The following PPL variants were observed in gnomAD, a reference collection of about 807,000 sequenced individuals.
PPL encodes the protein 190 kDa paraneoplastic pemphigus antigen.
In PPL, 198 loss-of-function variants were observed where a neutral mutation model predicts 194.4. The ratio of observed to expected loss-of-function variants is 1.02; its 90% confidence interval spans 0.91 to 1.15. The LOEUF (loss-of-function observed/expected upper bound fraction) is 1.15. PPL is among the 50% of genes most tolerant of loss of function. The pLI, the probability that PPL is intolerant of heterozygous loss-of-function variation, is 0.00. For missense variants in PPL, 2,885 were observed against 2,294.8 expected (o/e 1.26, Z -5.25); for synonymous variants, 1,220 against 972.4 (o/e 1.25, Z -4.74).
chr16:4,899,802 G>T (rs2088520057), intron 6 of PPL, among the ~76,000 whole-genome samples: 1 of 152,202 alleles, frequency 6.6e-6, no homozygotes, highest in African/African-American at 2.4e-5. Context: ...ACAAATATCA[G>T]TAACTATAGC....
chr16:4,933,779 G>A (rs1203387855), intron 1 of PPL, among the ~76,000 whole-genome samples: 3 of 152,146 alleles, frequency 2.0e-5, no homozygotes, highest in South Asian at 2.1e-4. Flanking sequence ...TCTCCTCCAC[G>A]ACCACGTGCT....
At chr16:4,923,087 T>A (rs927602841) in intron 1 of PPL, among the ~76,000 whole-genome samples, 3 of 152,150 alleles carry the variant, frequency 2.0e-5, no homozygotes, top group Non-Finnish European at 4.4e-5. Flanking sequence ...GTGTTCCCAC[T>A]GCTCTGAGAA....
At chr16:4,903,715 C>T (rs889415957) in intron 3 of PPL, among the ~76,000 whole-genome samples, 171 bp downstream of exon 3, 4 of 149,556 alleles carry the variant, frequency 2.7e-5, no homozygotes, top group African/African-American at 9.9e-5. Flanking sequence ...AGCAAAACTA[C>T]GTCTCAAAAA....
chr16:4,887,174 C>A lies in PPL; in HGVS notation c.2568G>T (p.Arg856Ser). The A allele has an allele frequency of 6.2e-7, 1 of 1,614,164 alleles. No individual in the cohort carries two copies. Among genetic ancestry groups the A allele is most frequent in the Non-Finnish European group, 8.5e-7 (1 of 1,179,990 alleles). ...TCAGAGCAAACTCCAGATTCTGCAG[C>A]CTCTGTCTGTTGATGGCATAAACTT... ...FTEVYAINRQ[R>S]LQNLEFALNL... Residue 856 changes from arginine (R) to serine (S), a missense_variant, in exon 21 of 22, where the codon AGG becomes AGT. Coordinates refer to ENST00000345988, the MANE Select transcript of PPL (RefSeq NM_002705.5).
intron 9 of PPL, among the ~76,000 whole-genome samples, chr16:4,896,850 G>C (rs939248900): frequency 6.6e-6 from 1 of 151,748 alleles, no homozygotes; most frequent in Non-Finnish European, 1.5e-5. Flanking sequence ...GGCCAGGCTG[G>C]TCTTGAACTC....
In PPL at chr16:4,893,304, C is replaced by A. The variant is rs8063727; in HGVS notation, c.1559G>T (p.Arg520Leu). Reference protein sequence around the residue: ...GLDKVASDLDRQEKAITGILR... With the variant: ...GLDKVASDLDLQEKAITGILR... ...GATCCCTGTGATGGCCTTCTCCTGC[C>A]GGTCCAGGTCGCTGGCCACCTTGTC... is the stretch of plus-strand genomic sequence containing the variant. The change falls in exon 14 of 22, where the codon CGG becomes CTG. Residue 520 changes from arginine (R) to leucine (L), a missense_variant. Transcript: ENST00000345988. 1 of 1,607,108 alleles carries A rather than the reference C, an allele frequency of 6.2e-7. No homozygotes were observed. Among genetic ancestry groups the A allele is most frequent in the Non-Finnish European group, 8.5e-7 (1 of 1,179,142 alleles).
chr16:4,891,974 G>A, intron 15 of PPL, 25 bp from the exon 16 acceptor site: 1 of 1,611,142 alleles, frequency 6.2e-7, no homozygotes, highest in Non-Finnish European at 8.5e-7. Flanking sequence ...CAGGCGTCGG[G>A]GGATGCCCAC....
At chr16:4,895,132 G>T (rs1380190782) in intron 11 of PPL, 129 bp downstream of exon 11, 2 of 1,210,254 alleles carry the variant, frequency 1.7e-6, no homozygotes, top group East Asian at 2.7e-5. Flanking sequence ...CCAGGGGAAG[G>T]GTTGGCAGAG....
In PPL at chr16:4,883,098, T is replaced by G. The variant is rs896510180; in HGVS notation, c.*286A>C. Reference sequence around the variant, plus strand: ...ATTGTGTGCAGTTATCATGAGGAGTTTGTTGCTGGGAGTGTACAGGAAAAG... The same window carrying G: ...ATTGTGTGCAGTTATCATGAGGAGTGTGTTGCTGGGAGTGTACAGGAAAAG... On this transcript the variant is annotated 3_prime_UTR_variant, in exon 22 of 22. Transcript: ENST00000345988. This position sits in a 1 kb window ranked among gnomAD's most constrained non-coding sequence, Gnocchi z 4.8. The G allele has an allele frequency of 7.8e-5, 32 of 407,944 alleles. No individual in the cohort carries two copies. Among genetic ancestry groups the G allele is most frequent in the African/African-American group, 6.1e-4 (30 of 49,074 alleles). 25.3% of individuals were successfully genotyped at this position (407,944 alleles called of 1,614,324 possible).
rs1388765020 is a variant in PPL at position 4,913,689 on chromosome 16, C to T, written c.63-2740G>A. 7.9e-5 allele frequency among the ~76,000 whole-genome samples: 12 copies of T among 152,304 alleles called. No individual in the cohort carries two copies. The South Asian group carries it at 2.5e-3, about 32-fold the overall frequency. ...AGTAGCTGGGATTACAGGTGTGAGC[C>T]ACCATGCCCAGCCTCCTTCTGTTGT... On this transcript the variant is annotated intron_variant, in intron 1 of 21. Coordinates refer to ENST00000345988, the MANE Select transcript of PPL (RefSeq NM_002705.5).
At position 4,904,031 on chromosome 16, in the gene PPL, G is replaced by A. The variant is rs199652749; in HGVS notation, c.172C>T (p.Arg58Trp). Residue 58 changes from arginine (R) to tryptophan (W), a missense_variant, in exon 3 of 22, where the codon CGG (arginine) becomes TGG (tryptophan). Transcript: ENST00000345988. ...TCAGGCTGCCGACCCTCCTGCAGCC[G>A]AGCCAGGTCCTGTGAGGGTCACAAG... ...TEAKMQSDLA[R>W]LQEGRQPEHR... 107 of 1,611,648 alleles carry A rather than the reference G, an allele frequency of 6.6e-5. No homozygotes were observed. Among genetic ancestry groups the A allele is most frequent in the South Asian group, 3.7e-4 (34 of 90,968 alleles).
chr16:4,885,542 A>C lies in PPL; in HGVS notation c.3113T>G (p.Val1038Gly). Residue 1038 changes from valine to glycine, a missense_variant, in exon 22 of 22, where the codon GTG becomes GGG. Val to Gly is a moderately radical substitution (Grantham distance 109). Transcript: ENST00000345988. The surrounding 1 kb of genome is among the most constrained non-coding windows in gnomAD (Gnocchi z 6.3). ...GCTCTTCTCTTCAGCCAGGGCGGCC[A>C]CACGCTGCTGCAGGAGGAGCACCTC... is the stretch of plus-strand genomic sequence containing the variant. The part of the protein sequence containing the change: ...EAEVLLLQQR[V>G]AALAEEKSRA... 6.2e-7 allele frequency: 1 copy of C among 1,610,552 alleles called. No individual in the cohort carries two copies. The highest frequency in any genetic ancestry group is 8.5e-7 in the Non-Finnish European group (1 of 1,179,872).
Position 4,883,202 on chromosome 16 carries a change from GTTGCCTGTCTTCAGCCA to G in PPL, c.*165_*181del. On this transcript the variant is annotated 3_prime_UTR_variant, in exon 22 of 22. Transcript: ENST00000345988. This position sits in a 1 kb window ranked among gnomAD's most constrained non-coding sequence, Gnocchi z 4.8. ...AGGGTGAATGATGGTTGGGACGAGAGTTGCCTGTCTTCAGCCAGTGCCTGTCTCATATGTGGGCGGGA... is the reference window on the plus strand; with the variant it reads ...AGGGTGAATGATGGTTGGGACGAGAGGTGCCTGTCTCATATGTGGGCGGGA... 1.4e-6 allele frequency: 1 copy of G among 731,566 alleles called. No individual in the cohort carries two copies. Among genetic ancestry groups the G allele is most frequent in the South Asian group, 1.9e-5 (1 of 53,974 alleles). The allele number at this position is 731,566 out of a possible 1,614,324, so 45.3% of individuals were successfully genotyped here.
Position 4,893,168 on chromosome 16 carries a change from T to A in PPL, c.1650+45A>T, listed in dbSNP as rs146374313. ...TCAAATAGGGGCCCCAGGGGGCCAG[T>A]GCAGGGCTCCCCCGGCCCCACCTGT... is the stretch of plus-strand genomic sequence containing the variant. On this transcript the variant is annotated intron_variant, in intron 14 of 21. Coordinates refer to ENST00000345988, the MANE Select transcript of PPL (RefSeq NM_002705.5). 1.9e-5 allele frequency: 28 copies of A among 1,483,074 alleles called. 1 individual carries two copies. In the Admixed American group the frequency reaches 1.9e-4, roughly 10 times the overall value. The allele number at this position is 1,483,074 out of a possible 1,614,324, so 91.9% of individuals were successfully genotyped here.
chr16:4,922,959 C>T (rs774901888), intron 1 of PPL, among the ~76,000 whole-genome samples: 3 of 152,162 alleles, frequency 2.0e-5, no homozygotes, highest in Non-Finnish European at 2.9e-5. Context: ...GGAGATCCTG[C>T]GTCCCAGATG....
intron 11 of PPL, among the ~76,000 whole-genome samples, chr16:4,894,898 G>A (rs536603237): frequency 5.3e-5 from 8 of 152,296 alleles, no homozygotes; most frequent in Non-Finnish European, 1.2e-4. Context: ...ATGTGACTTG[G>A]ACCTGGCCAA....
At chr16:4,889,105 T>A (rs750710198) in intron 18 of PPL, 44 bp from the exon 19 acceptor site, 90 of 1,536,164 alleles carry the variant, frequency 5.9e-5, no homozygotes, top group East Asian at 1.1e-4. Flanking sequence ...AGAAAAAAAA[T>A]TTAAAAAAGC....
intron 1 of PPL, among the ~76,000 whole-genome samples, chr16:4,914,408 C>T (rs1037964433): frequency 3.3e-5 from 5 of 152,184 alleles, no homozygotes; most frequent in African/African-American, 1.2e-4. Context: ...ACCAGCAATG[C>T]AGGTGCTGTT....
intron 14 of PPL, chr16:4,892,985 G>T: frequency 2.0e-6 from 1 of 496,300 alleles, no homozygotes; most frequent in Non-Finnish European, 3.4e-6. Context: ...AGATCGACAA[G>T]CCGTGCAGGA....
Sources: allele counts gnomAD v4.1 joint callset (sites outside exome capture counted in the v4.1 genomes callset), GRCh38; gene constraint gnomAD v4.1.1; non-coding constraint Gnocchi (gnomAD v3.1); transcripts MANE v1.5; gene names NCBI Gene and HGNC (gene_info 2026-07-23, HGNC 2026-07-21).